STXBP4: variants seen among roughly 807,000 people sequenced by gnomAD.
The protein encoded by STXBP4 is syntaxin binding protein 4.
Under a neutral mutation model 76.1 loss-of-function variants are expected in STXBP4, and 55 were observed. The ratio of observed to expected loss-of-function variants is 0.72; its 90% CI spans 0.58 to 0.91. The LOEUF is 0.91. Among genes scored for constraint, STXBP4 ranks in the 40% least tolerant of loss-of-function variants. The pLI is 0.00. For missense variants in STXBP4, 618 were observed against 636.9 expected (o/e 0.97, Z 0.32); for synonymous variants, 201 against 220.2 (o/e 0.91, Z 0.77).
intron 12 of STXBP4, among the ~76,000 whole-genome samples, chr17:55,048,171 A>G (rs2078815551): frequency 6.6e-6 from 1 of 151,980 alleles, no homozygotes; most frequent in South Asian, 2.1e-4. Flanking sequence ...AGGAAGAACC[A>G]GATCAATAGA....
At chr17:55,084,708 A>G (rs1187212330) in intron 16 of STXBP4, among the ~76,000 whole-genome samples, 2 of 152,068 alleles carry the variant, frequency 1.3e-5, no homozygotes, top group African/African-American at 4.8e-5. Flanking sequence ...ATGGCTAGCC[A>G]GTTTTCCCAG....
chr17:55,127,351 G>A (rs554781584), intron 16 of STXBP4, among the ~76,000 whole-genome samples: 2 of 152,246 alleles, frequency 1.3e-5, no homozygotes, highest in South Asian at 4.2e-4. Flanking sequence ...ACCAATTGAT[G>A]GATCTTCCAA....
chr17:55,189,594 G>C, the STXBP4 span, among the ~76,000 whole-genome samples: 1 of 152,222 alleles, frequency 6.6e-6, no homozygotes, highest in East Asian at 1.9e-4. Context: ...GATGGAAGGA[G>C]ACAGTTTAGT....
the STXBP4 span, among the ~76,000 whole-genome samples, chr17:55,194,153 A>G: frequency 3.9e-5 from 6 of 152,164 alleles, no homozygotes; most frequent in South Asian, 2.1e-4. Context: ...TTCTAGAGGT[A>G]CAGAATGGAC....
chr17:55,121,435 T>G (rs1238392923), intron 16 of STXBP4, among the ~76,000 whole-genome samples: 1 of 152,094 alleles, frequency 6.6e-6, no homozygotes, highest in Non-Finnish European at 1.5e-5. Context: ...TTGAAACATC[T>G]CATTATGTCA....
At chr17:55,129,091 G>A (rs1175422319) in intron 16 of STXBP4, among the ~76,000 whole-genome samples, 2 of 151,592 alleles carry the variant, frequency 1.3e-5, no homozygotes, top group Non-Finnish European at 2.9e-5. Flanking sequence ...CACCACACCC[G>A]GCTAATTTTT....
chr17:55,042,365 G>C (rs949272713), intron 10 of STXBP4, among the ~76,000 whole-genome samples: 1 of 152,010 alleles, frequency 6.6e-6, no homozygotes, highest in South Asian at 2.1e-4. Context: ...CTTTAGCAAT[G>C]CATCTGCACA....
intron 1 of STXBP4, among the ~76,000 whole-genome samples, chr17:54,984,082 C>T (rs1452486117): frequency 6.6e-6 from 1 of 152,040 alleles, no homozygotes; most frequent in East Asian, 1.9e-4. Flanking sequence ...CTACAGAGGG[C>T]GTGAAAGTCG....
the STXBP4 span, among the ~76,000 whole-genome samples, chr17:55,180,131 C>T: frequency 2.0e-5 from 3 of 152,150 alleles, no homozygotes; most frequent in African/African-American, 4.8e-5. Flanking sequence ...CTGCAGGTGC[C>T]TCCTCCATTG....
intron 16 of STXBP4, among the ~76,000 whole-genome samples, chr17:55,097,218 T>TTCAGAGTGAGAAAACTTGCTTC (rs2079498421): frequency 1.3e-5 from 2 of 152,226 alleles, no homozygotes; most frequent in Non-Finnish European, 2.9e-5. Context: ...AGGGAAAATA[T>TTCAGAGTGAGAAAACTTGCTTC]TCAGAGTGAG....
At chr17:55,143,911 A>C (rs1175816339) in intron 17 of STXBP4, among the ~76,000 whole-genome samples, 1 of 152,018 alleles carries the variant, frequency 6.6e-6, no homozygotes, top group Non-Finnish European at 1.5e-5. Flanking sequence ...ATTAGGAGAA[A>C]CTGTTAAAAG....
chr17:55,092,760 G>T (rs1019009094), intron 16 of STXBP4, among the ~76,000 whole-genome samples: 3 of 152,102 alleles, frequency 2.0e-5, no homozygotes, highest in African/African-American at 4.8e-5. Flanking sequence ...ATGAGAAAAA[G>T]GGGAAAGGCA....
chr17:55,211,773 G>A, the STXBP4 span, among the ~76,000 whole-genome samples: 2 of 148,750 alleles, frequency 1.3e-5, no homozygotes, highest in African/African-American at 5.0e-5. Context: ...AATTAGTTTG[G>A]GGAATGCTGT....
At chr17:55,124,248 A>C in intron 16 of STXBP4, among the ~76,000 whole-genome samples, 1 of 152,204 alleles carries the variant, frequency 6.6e-6, no homozygotes, top group Non-Finnish European at 1.5e-5. Flanking sequence ...GTGCAAATTG[A>C]GAAAAGATGA....
At chr17:55,078,581 A>G in intron 14 of STXBP4, 105 bp from the exon 15 acceptor site, 2 of 692,498 alleles carry the variant, frequency 2.9e-6, no homozygotes, top group East Asian at 2.7e-5. Context: ...TAGAAGCATC[A>G]GTTTAATCCG....
the STXBP4 span, among the ~76,000 whole-genome samples, chr17:55,201,519 A>G: frequency 6.6e-6 from 1 of 152,130 alleles, no homozygotes; most frequent in African/African-American, 2.4e-5. Flanking sequence ...ATAAAAATAA[A>G]TTTAAAGATC....
intron 12 of STXBP4, among the ~76,000 whole-genome samples, chr17:55,064,750 C>T (rs1187976771): frequency 6.6e-6 from 1 of 152,098 alleles, no homozygotes. Flanking sequence ...GCGATCCACC[C>T]ACCTCCGCCT....
chr17:55,011,802 C>G (rs1331370463), intron 8 of STXBP4, among the ~76,000 whole-genome samples: 1 of 152,076 alleles, frequency 6.6e-6, no homozygotes, highest in Non-Finnish European at 1.5e-5. Flanking sequence ...CTTAGGGATT[C>G]TTAGTCGGCC....
intron 16 of STXBP4, among the ~76,000 whole-genome samples, chr17:55,112,001 G>A (rs1004801326): frequency 2.6e-5 from 4 of 152,018 alleles, no homozygotes; most frequent in African/African-American, 9.7e-5. Flanking sequence ...CTGCAGTTTC[G>A]AACTCCTGGG....
Sources: gnomAD v4.1 joint callset for allele counts (sites outside exome capture counted in the v4.1 genomes callset) on GRCh38, gnomAD v4.1.1 for gene constraint, MANE v1.5 for transcripts, NCBI Gene and HGNC (gene_info 2026-07-23, HGNC 2026-07-21) for gene names.